SNTG1: variants seen among roughly 807,000 people sequenced by gnomAD.
SNTG1 encodes syntrophin gamma 1.
A neutral mutation model predicts 74.7 loss-of-function variants in SNTG1; 39 were observed. That is an observed-to-expected ratio of 0.52 (90% CI 0.40 to 0.68). The LOEUF (loss-of-function observed/expected upper bound fraction) is 0.68, where lower values mean the gene tolerates loss of function less well. Ranked by LOEUF, SNTG1 falls within the 30% of genes least tolerant of loss-of-function variation. The pLI, the probability that SNTG1 is intolerant of heterozygous loss-of-function variation, is 0.00. For synonymous variants in SNTG1, 254 were observed against 217.1 expected (o/e 1.17, Z -1.49); for missense variants, 685 against 609.5 (o/e 1.12, Z -1.30).
intron 4 of SNTG1, among the ~76,000 whole-genome samples, chr8:50,421,131 C>G (rs1193457000): frequency 6.7e-6 from 1 of 149,810 alleles, no homozygotes; most frequent in South Asian, 2.1e-4. Flanking sequence ...AATGCTAACA[C>G]TGTTACCAGA....
intron 13 of SNTG1, among the ~76,000 whole-genome samples, chr8:50,652,181 C>T (rs542779646): frequency 6.6e-6 from 1 of 152,244 alleles, no homozygotes; most frequent in Admixed American, 6.5e-5. Flanking sequence ...CACCACATGT[C>T]ATTTGAATGG....
chr8:50,476,287 A>C (rs1184270580), intron 8 of SNTG1, among the ~76,000 whole-genome samples: 1 of 152,216 alleles, frequency 6.6e-6, no homozygotes, highest in Non-Finnish European at 1.5e-5. Context: ...ACATATGTAC[A>C]GGAAAAACAT....
chr8:50,377,393 G>A (rs2131199387), intron 2 of SNTG1, among the ~76,000 whole-genome samples: 1 of 152,118 alleles, frequency 6.6e-6, no homozygotes, highest in East Asian at 1.9e-4. Context: ...TTTGAAGGAG[G>A]AGAACAATTT....
chr8:50,557,091 T>C (rs1444076250), intron 12 of SNTG1, among the ~76,000 whole-genome samples: 1 of 151,984 alleles, frequency 6.6e-6, no homozygotes, highest in East Asian at 1.9e-4. Flanking sequence ...GGGCCCTTTC[T>C]GCCCTGGAAA....
At chr8:49,990,867 C>T (rs1326772943) in intron 1 of SNTG1, among the ~76,000 whole-genome samples, 1 of 152,070 alleles carries the variant, frequency 6.6e-6, no homozygotes, top group East Asian at 1.9e-4. Flanking sequence ...AGGAAGTCTT[C>T]ATGATGGTGT....
chr8:50,725,794 T>C (rs1022728162), intron 17 of SNTG1, among the ~76,000 whole-genome samples: 1 of 152,176 alleles, frequency 6.6e-6, no homozygotes, highest in East Asian at 1.9e-4. Flanking sequence ...GCAAGTACCA[T>C]GTCTATTGCA....
At chr8:50,725,430 G>A (rs554861830) in intron 17 of SNTG1, among the ~76,000 whole-genome samples, 44 of 152,046 alleles carry the variant, frequency 2.9e-4, no homozygotes, top group Non-Finnish European at 5.6e-4. Context: ...TGTAAGATAA[G>A]TATATATAGT....
chr8:50,438,942 A>G (rs943998312), intron 5 of SNTG1, among the ~76,000 whole-genome samples: 5 of 152,184 alleles, frequency 3.3e-5, no homozygotes, highest in Non-Finnish European at 7.4e-5. Flanking sequence ...AAATAGAACA[A>G]TAACAAGTTT....
chr8:50,599,176 G>A (rs1355132731), intron 13 of SNTG1, among the ~76,000 whole-genome samples: 1 of 151,918 alleles, frequency 6.6e-6, no homozygotes, highest in Non-Finnish European at 1.5e-5. Flanking sequence ...TTCACTGTAG[G>A]TGTATAAACT....
intron 1 of SNTG1, among the ~76,000 whole-genome samples, chr8:49,966,008 T>A (rs1043464231): frequency 2.3e-4 from 35 of 152,222 alleles, no homozygotes; most frequent in Non-Finnish European, 1.0e-4. Context: ...GCTCTGTGCA[T>A]CTTCCTTGTT....
intron 2 of SNTG1, among the ~76,000 whole-genome samples, chr8:50,291,316 C>T (rs1002256111): frequency 2.6e-5 from 4 of 151,382 alleles, no homozygotes; most frequent in Non-Finnish European, 4.4e-5. Flanking sequence ...AAAAACAAAA[C>T]AGGGTAGAAG....
At position 50,704,606 on chromosome 8, in the gene SNTG1, G is replaced by T. The variant is rs1169417602; in HGVS notation, c.1045G>T (p.Asp349Tyr). ...AACTCCAGGTTTTCACCAGGACAGT[G>T]ACCTGCTGGACCGACGGAAACAGTG... Reference protein sequence around the residue: ...EIMCKILKDSDLLDRRKQCFT... With the variant: ...EIMCKILKDSYLLDRRKQCFT... Residue 349 changes from aspartate (D) to tyrosine (Y), a missense_variant, in exon 16 of 19, where the codon GAC becomes TAC. Coordinates refer to ENST00000642720, the MANE Select transcript of SNTG1 (RefSeq NM_018967.5). The T allele has an allele frequency of 6.2e-7, 1 of 1,613,990 alleles. No individual in the cohort carries two copies. Among genetic ancestry groups the T allele is most frequent in the East Asian group, 2.2e-5 (1 of 44,884 alleles).
At chr8:50,605,994 T>G (rs978167741) in intron 13 of SNTG1, among the ~76,000 whole-genome samples, 1 of 152,210 alleles carries the variant, frequency 6.6e-6, no homozygotes, top group Non-Finnish European at 1.5e-5. Context: ...TGGTGAGTGA[T>G]CTTTTTGATG....
intron 6 of SNTG1, among the ~76,000 whole-genome samples, chr8:50,449,969 A>G (rs73583436): frequency 0.028 from 4,230 of 152,298 alleles, 188 homozygotes; most frequent in African/African-American, 0.095. Flanking sequence ...GGTATGAGTT[A>G]GGGACTACAC....
intron 1 of SNTG1, among the ~76,000 whole-genome samples, chr8:50,110,866 C>G (rs2080557990): frequency 6.6e-6 from 1 of 152,044 alleles, no homozygotes. Flanking sequence ...GGAGGGTTGC[C>G]ATATTTAGCA....
intron 4 of SNTG1, among the ~76,000 whole-genome samples, chr8:50,425,484 G>C (rs1019774982): frequency 1.3e-5 from 2 of 152,032 alleles, no homozygotes; most frequent in Admixed American, 1.3e-4. Context: ...CCTAGTTGCA[G>C]GAAAACAAGC....
intron 1 of SNTG1, among the ~76,000 whole-genome samples, chr8:50,113,422 C>T (rs943880903): frequency 6.6e-6 from 1 of 152,096 alleles, no homozygotes; most frequent in Non-Finnish European, 1.5e-5. Context: ...GTGATTTTTG[C>T]ACATTGATTT....
chr8:49,914,677 G>A (rs1359480438), intron 1 of SNTG1, among the ~76,000 whole-genome samples: 1 of 151,914 alleles, frequency 6.6e-6, no homozygotes, highest in Non-Finnish European at 1.5e-5. Flanking sequence ...TATTTACTTG[G>A]GTTTCAATCA....
intron 12 of SNTG1, among the ~76,000 whole-genome samples, chr8:50,569,971 TAAC>T (rs1487514071): frequency 3.3e-5 from 5 of 152,182 alleles, no homozygotes; most frequent in African/African-American, 9.7e-5. Context: ...TTCAGATTCT[TAAC>T]AATCATATTT....
Sources: allele counts gnomAD v4.1 joint callset (sites outside exome capture counted in the v4.1 genomes callset), GRCh38; gene constraint gnomAD v4.1.1; transcripts MANE v1.5; gene names NCBI Gene and HGNC (gene_info 2026-07-23, HGNC 2026-07-21).